Variants in PTPRB observed in about 807,000 individuals in gnomAD.
PTPRB encodes protein tyrosine phosphatase receptor type B.
PTPRB carries 97 observed loss-of-function variants against 238.1 expected under a neutral mutation model. That is an observed-to-expected ratio of 0.41 (90% confidence interval 0.35 to 0.48). The LOEUF is 0.48. PTPRB is among the 20% of genes least tolerant of loss of function. The pLI is 0.30. For synonymous variants in PTPRB, 970 were observed against 995.4 expected (o/e 0.97, Z 0.48); for missense variants, 2,292 against 2,681.9 (o/e 0.85, Z 3.21).
intron 29 of PTPRB, 113 bp from the exon 30 acceptor site, chr12:70,535,068 A>G (rs1873894084): frequency 1.6e-6 from 2 of 1,262,152 alleles, no homozygotes; most frequent in East Asian, 4.8e-5. Context: ...ATCAGCTGCT[A>G]AAGCAATTTG....
At chr12:70,579,527 T>A (rs549100639) in intron 10 of PTPRB, among the ~76,000 whole-genome samples, 2 of 152,014 alleles carry the variant, frequency 1.3e-5, no homozygotes, top group Non-Finnish European at 2.9e-5. Flanking sequence ...TGAAACCCTG[T>A]TTCTACTAAA....
Position 70,580,289 on chromosome 12 carries a change from G to T in PTPRB, c.2578+747C>A, listed in dbSNP as rs185906403. ...TAACGTTGCTTATGAAAATATATGAGACCTGAAAATTAGATCAACTCCACC... is the reference window on the plus strand; with the variant it reads ...TAACGTTGCTTATGAAAATATATGATACCTGAAAATTAGATCAACTCCACC... On this transcript the variant is annotated intron_variant, in intron 10 of 33. Coordinates refer to ENST00000334414, the MANE Select transcript of PTPRB (RefSeq NM_001109754.4). Among the ~76,000 whole-genome samples the T allele has an allele frequency of 9.9e-5, 15 of 152,202 alleles. No individual in the cohort carries two copies. The East Asian group carries it at 2.9e-3, about 29-fold the overall frequency.
chr12:70,517,342 A>G lies in PTPRB; in HGVS notation c.*4147T>C, dbSNP rs190710485. ...ACAGAAGAGATGCCATTTTATCTTCATGATGATGTCTGGTTAGATTCTGTT... is the reference window on the plus strand; with the variant it reads ...ACAGAAGAGATGCCATTTTATCTTCGTGATGATGTCTGGTTAGATTCTGTT... On this transcript the variant is annotated 3_prime_UTR_variant, in exon 34 of 34. Coordinates refer to ENST00000334414, the MANE Select transcript of PTPRB (RefSeq NM_001109754.4). 2 of 152,344 alleles carry G rather than the reference A, an allele frequency of 1.3e-5. No individual in the cohort carries two copies. Among genetic ancestry groups the G allele is most frequent in the African/African-American group, 4.8e-5 (2 of 41,588 alleles). 9.4% of individuals were successfully genotyped at this position (152,344 alleles called of 1,614,324 possible).
Position 70,539,619 on chromosome 12 carries a change from T to C in PTPRB, c.5778+6A>G, listed in dbSNP as rs887751316. The C allele has an allele frequency of 3.3e-6, 5 of 1,529,006 alleles. No individual in the cohort carries two copies. The highest frequency in any genetic ancestry group is 3.6e-6 in the Non-Finnish European group (4 of 1,119,660). The allele number at this position is 1,529,006 out of a possible 1,614,324, so 94.7% of individuals were successfully genotyped here. ...ATGCTGAAGCTTCATTCTGCCTGAG[T>C]TGTACCTCGTATTCCTTGGATAGAA... On this transcript the variant is annotated splice_donor_region_variant and intron_variant, in intron 26 of 33. Transcript: ENST00000334414.
intron 22 of PTPRB, chr12:70,542,538 A>G (rs962846181): frequency 1.3e-4 from 20 of 150,630 alleles, no homozygotes; most frequent in African/African-American, 4.7e-4. Context: ...AGGTGGCATC[A>G]CCGCACTACA....
intron 4 of PTPRB, among the ~76,000 whole-genome samples, chr12:70,606,815 C>T (rs908830114): frequency 8.5e-5 from 13 of 152,212 alleles, no homozygotes; most frequent in African/African-American, 2.9e-4. Context: ...AAAATTCCTC[C>T]CTGAAACAAT....
In PTPRB at chr12:70,594,594, G is replaced by T. The variant is rs747986988; in HGVS notation, c.1389C>A (p.Gly463=). The T allele has an allele frequency of 1.2e-6, 2 of 1,613,800 alleles. No individual in the cohort carries two copies. The highest frequency in any genetic ancestry group is 2.2e-5 in the East Asian group (1 of 44,882). The change falls in exon 6 of 34, where the codon GGC becomes GGA. Residue 463 remains glycine (G), a synonymous_variant. Transcript: ENST00000334414. ...AAGTAGCATGTTTGTCCACAACACC[G>T]CCATGAACTAGGATCCCTTTATCCA... ...MLMDKGILVH[G]GVVDKHATSY...
chr12:70,570,932 A>C, intron 13 of PTPRB, 94 bp downstream of exon 13: 1 of 1,362,306 alleles, frequency 7.3e-7, no homozygotes, highest in South Asian at 1.4e-5. Context: ...TCTCCCTTTT[A>C]TCCCTCCAAA....
intron 21 of PTPRB, among the ~76,000 whole-genome samples, chr12:70,547,694 A>G (rs1876223947): frequency 6.6e-6 from 1 of 151,908 alleles, no homozygotes; most frequent in Admixed American, 6.6e-5. Context: ...TTTATTACAG[A>G]TGGGGTTTTG....
rs1026488387 is a variant in PTPRB, at chr12:70,566,829, T to C, written c.3635-125A>G. 1.2e-4 allele frequency: 123 copies of C among 1,036,392 alleles called. 1 individual carries two copies. Among genetic ancestry groups the C allele is most frequent in the South Asian group, 7.1e-4 (45 of 63,708 alleles). 64.2% of individuals were successfully genotyped at this position (1,036,392 alleles called of 1,614,324 possible). A position where few individuals can be genotyped will look rare whatever the true frequency, so the allele number is the denominator to read the frequency against. ...ATGCATTTGCTTTATTTGTGTGTCA[T>C]TGACACTTTCTGTGTGCCCTTATGG... On this transcript the variant is annotated intron_variant, in intron 14 of 33. Coordinates refer to ENST00000334414, the MANE Select transcript of PTPRB (RefSeq NM_001109754.4).
chr12:70,617,514 C>T (rs571939024), intron 3 of PTPRB, among the ~76,000 whole-genome samples: 2 of 152,136 alleles, frequency 1.3e-5, no homozygotes, highest in Non-Finnish European at 2.9e-5. Flanking sequence ...CTTCTTTGCC[C>T]TCCTCCCTCC....
chr12:70,543,429 C>T (rs1875481504), intron 22 of PTPRB, among the ~76,000 whole-genome samples: 2 of 152,124 alleles, frequency 1.3e-5, no homozygotes, highest in South Asian at 4.1e-4. Context: ...TGTCATGTAA[C>T]AGTATTTCAA....
intron 28 of PTPRB, among the ~76,000 whole-genome samples, chr12:70,536,427 C>A (rs1205470685): frequency 6.6e-6 from 1 of 152,200 alleles, no homozygotes; most frequent in Non-Finnish European, 1.5e-5. Flanking sequence ...AAACACTTCA[C>A]CCTCAATTAT....
chr12:70,555,671 C>T (rs538808164), intron 19 of PTPRB, among the ~76,000 whole-genome samples, 199 bp downstream of exon 19: 17 of 149,974 alleles, frequency 1.1e-4, no homozygotes, highest in African/African-American at 4.2e-4. Context: ...AACTTGTTTG[C>T]TGTCAGGGTA....
intron 3 of PTPRB, among the ~76,000 whole-genome samples, chr12:70,612,082 C>T (rs1347560955): frequency 6.8e-6 from 1 of 147,750 alleles, no homozygotes; most frequent in Non-Finnish European, 1.5e-5. Context: ...AATACCTACT[C>T]TAAATACACC....
chr12:70,576,778 A>ATAT, intron 10 of PTPRB, 133 bp from the exon 11 acceptor site: 1 of 604,562 alleles, frequency 1.7e-6, no homozygotes, highest in East Asian at 2.8e-5. Context: ...TAATCTGATT[A>ATAT]TATAAGAGGT....
At chr12:70,532,348 T>TTCTA (rs1037285763) in intron 31 of PTPRB, among the ~76,000 whole-genome samples, 178 bp from the exon 32 acceptor site, 4 of 79,872 alleles carry the variant, frequency 5.0e-5, no homozygotes, top group East Asian at 3.8e-4. Context: ...CCCCACAGCC[T>TTCTA]TCTATCTCTT....
chr12:70,523,985 A>G (rs1048327765), intron 33 of PTPRB, among the ~76,000 whole-genome samples: 3 of 150,450 alleles, frequency 2.0e-5, no homozygotes, highest in Admixed American at 6.6e-5. Flanking sequence ...GCTCTTTTGT[A>G]CTTTTAGTAG....
At chr12:70,571,793 A>G in intron 12 of PTPRB, 31 bp downstream of exon 12, 1 of 1,593,276 alleles carries the variant, frequency 6.3e-7, no homozygotes, top group Non-Finnish European at 8.5e-7. Context: ...AAGTCCAACC[A>G]ACTGTCAGAT....
Sources: allele counts gnomAD v4.1 joint callset (sites outside exome capture counted in the v4.1 genomes callset), GRCh38; gene constraint gnomAD v4.1.1; transcripts MANE v1.5; gene names NCBI Gene and HGNC (gene_info 2026-07-23, HGNC 2026-07-21).